The following RIPOR2 variants were observed in gnomAD, a reference collection of about 807,000 sequenced individuals.
RIPOR2 encodes the protein RHO family interacting cell polarization regulator 2.
A neutral mutation model predicts 114.5 loss-of-function variants in RIPOR2; 39 were observed. The ratio of observed to expected loss-of-function variants is 0.34; its 90% CI spans 0.26 to 0.44. RIPOR2 has a LOEUF of 0.44. Ranked by LOEUF, RIPOR2 falls within the 20% of genes least tolerant of loss-of-function variation. RIPOR2 has a pLI of 1.00. For synonymous variants in RIPOR2, 445 were observed against 484.4 expected (o/e 0.92, Z 1.07); for missense variants, 1,007 against 1,255.1 (o/e 0.80, Z 2.99).
rs752660422 is a variant in RIPOR2, at chr6:24,860,991, A to T, written c.697T>A (p.Phe233Ile). 1.9e-5 allele frequency: 30 copies of T among 1,607,994 alleles called. No individual in the cohort carries two copies. The highest frequency in any genetic ancestry group is 1.7e-5 in the Admixed American group (1 of 59,604). ...ATAATACCTTTCATCTTGATGGAGA[A>T]TTCTCCCAGCAGATTCTCTAGCTCC... Reference protein sequence around the residue: ...EVELENLLGEFSIKMKGLAGF... With the variant: ...EVELENLLGEISIKMKGLAGF... The change falls in exon 8 of 22, where the codon TTC (phenylalanine) becomes ATC (isoleucine). Residue 233 changes from phenylalanine to isoleucine, a missense_variant. Coordinates refer to ENST00000643898, the MANE Select transcript of RIPOR2 (RefSeq NM_001286445.3).
rs546219048 is a variant in RIPOR2, at chr6:24,897,948, C to T, written c.62-22131G>A. Reference sequence around the variant, plus strand: ...CTGAGGCAGGAGAATTGCTTGAACCCGGGAGGCGGAGGTTGCAGAGAGCAG... The same window carrying T: ...CTGAGGCAGGAGAATTGCTTGAACCTGGGAGGCGGAGGTTGCAGAGAGCAG... On this transcript the variant is annotated intron_variant, in intron 1 of 21. Coordinates refer to ENST00000643898, the MANE Select transcript of RIPOR2 (RefSeq NM_001286445.3). Among the ~76,000 whole-genome samples, 4 of 151,742 alleles carry T rather than the reference C, an allele frequency of 2.6e-5. No homozygotes were observed. The South Asian group carries it at 6.3e-4, about 24-fold the overall frequency.
chr6:25,024,173 C>T, intron 1 of RIPOR2: 1 of 1,317,150 alleles, frequency 7.6e-7, no homozygotes, highest in Non-Finnish European at 1.1e-6. Flanking sequence ...GGGCGATTTC[C>T]ACTTGTTTGC....
At chr6:24,897,171 T>A (rs1481447279) in intron 1 of RIPOR2, among the ~76,000 whole-genome samples, 1 of 152,174 alleles carries the variant, frequency 6.6e-6, no homozygotes, top group African/African-American at 2.4e-5. Context: ...TCTAATCAAA[T>A]GGGATGAGCA....
intron 1 of RIPOR2, among the ~76,000 whole-genome samples, chr6:25,029,969 G>C (rs1412727839): frequency 6.6e-6 from 1 of 151,996 alleles, no homozygotes; most frequent in African/African-American, 2.4e-5. Context: ...AGAAAATGGA[G>C]TGGGAGAACT....
At chr6:24,900,722 C>G (rs1561750089) in intron 1 of RIPOR2, among the ~76,000 whole-genome samples, 1 of 152,208 alleles carries the variant, frequency 6.6e-6, no homozygotes. Context: ...CTGGCCGCCG[C>G]ACTCCAGTCT....
intron 1 of RIPOR2, chr6:24,929,262 A>G (rs953078704): frequency 7.9e-5 from 12 of 151,824 alleles, no homozygotes; most frequent in Non-Finnish European, 1.8e-4. Flanking sequence ...AGCACAAAGT[A>G]AAGATGGTTT....
At chr6:24,916,322 A>G (rs889553202) in intron 1 of RIPOR2, among the ~76,000 whole-genome samples, 8 of 152,180 alleles carry the variant, frequency 5.3e-5, no homozygotes, top group African/African-American at 1.9e-4. Flanking sequence ...TCCTCTTGTA[A>G]GTCATCTGTC....
rs570921862 is a variant in RIPOR2 at position 24,991,712 on chromosome 6, G to T, written c.76+50139C>A. On this transcript the variant is annotated intron_variant, in intron 1 of 13. Coordinates refer to the RIPOR2 transcript ENST00000510784. ...GGTGGCCACCAAAACTGGCTAAGTG[G>T]CCTCTGTATCTCCCAGACCCATATC... Among the ~76,000 whole-genome samples, 4 of 152,258 alleles carry T rather than the reference G, an allele frequency of 2.6e-5. No individual in the cohort carries two copies. The South Asian group carries it at 6.2e-4, about 24-fold the overall frequency.
chr6:24,871,567 G>A (rs1406775025), intron 4 of RIPOR2, among the ~76,000 whole-genome samples: 1 of 152,116 alleles, frequency 6.6e-6, no homozygotes, highest in African/African-American at 2.4e-5. Context: ...GGCCAAGCTG[G>A]TCTTGAACTC....
At chr6:24,884,850 G>A (rs1766677416) in intron 1 of RIPOR2, among the ~76,000 whole-genome samples, 1 of 151,998 alleles carries the variant, frequency 6.6e-6, no homozygotes, top group African/African-American at 2.4e-5. Context: ...CAGAGAAAAC[G>A]ACGAAGTGCT....
chr6:24,831,828 C>T (rs1194000989), intron 16 of RIPOR2, among the ~76,000 whole-genome samples: 4 of 152,152 alleles, frequency 2.6e-5, no homozygotes, highest in Admixed American at 1.3e-4. Context: ...CTCCTGGAGG[C>T]GTTTGCATCC....
At position 24,840,285 on chromosome 6, in the gene RIPOR2, A is replaced by T. The variant is rs201982057; in HGVS notation, c.1858-1013T>A. 2.9e-6 allele frequency: 3 copies of T among 1,038,880 alleles called. No individual in the cohort carries two copies. In the East Asian group the frequency reaches 2.9e-4, roughly 99 times the overall value. The allele number at this position is 1,038,880 out of a possible 1,614,324, so 64.4% of individuals were successfully genotyped here. ...CCTCTGAGGACTGAGGAAAGAATGA[A>T]TGCCTTGGGCATGACAAGAAGCAGC... On this transcript the variant is annotated intron_variant, in intron 13 of 21. Coordinates refer to ENST00000643898, the MANE Select transcript of RIPOR2 (RefSeq NM_001286445.3).
chr6:24,945,449 A>G (rs540990364), intron 1 of RIPOR2, among the ~76,000 whole-genome samples: 31 of 152,332 alleles, frequency 2.0e-4, no homozygotes, highest in Non-Finnish European at 3.8e-4. Context: ...AAGTAACTTC[A>G]TAAGTAAACA....
rs144210626 is a variant in RIPOR2, at chr6:24,956,508, TATC to T, written c.77-80694_77-80692del. Among the ~76,000 whole-genome samples, 327 of 152,372 alleles carry T rather than the reference TATC, an allele frequency of 2.1e-3. 4 individuals carry two copies. The East Asian group carries it at 0.023, about 11-fold the overall frequency. The stretch of plus-strand genomic sequence containing the variant: ...TTTAATAAAAATAAGTTCAGTCAGA[TATC>T]ATTCTATATCATTTGTGATATGCAA... On this transcript the variant is annotated intron_variant, in intron 1 of 13. Transcript: ENST00000510784.
chr6:24,967,758 T>A (rs137981280), intron 1 of RIPOR2, among the ~76,000 whole-genome samples: 170 of 152,282 alleles, frequency 1.1e-3, no homozygotes, highest in African/African-American at 4.0e-3. Context: ...AGATAGGCAT[T>A]CTCATTATTT....
chr6:25,019,392 C>A (rs1776181946), intron 1 of RIPOR2, among the ~76,000 whole-genome samples: 1 of 152,102 alleles, frequency 6.6e-6, no homozygotes, highest in South Asian at 2.1e-4. Flanking sequence ...ACTCTAGGAT[C>A]AAACATAAAG....
chr6:24,846,743 G>T (rs960064130), intron 12 of RIPOR2, among the ~76,000 whole-genome samples: 14 of 152,100 alleles, frequency 9.2e-5, no homozygotes, highest in African/African-American at 2.9e-4. Context: ...CCATGTATGT[G>T]TGTGTGCATG....
rs1238435443 is a variant in RIPOR2 at position 24,835,713 on chromosome 6, T to C, written c.2198A>G (p.Gln733Arg). ...TIVRHLQYCT[Q>R]LVQQIVFSSK... ...CATCGCTGATCCTACCTGCACGAGT[T>C]GGGTGCAGTACTGGAGGTGCCTGAC... Residue 733 changes from glutamine to arginine, a missense_variant, in exon 15 of 22, where the codon CAA (glutamine) becomes CGA (arginine). By Grantham distance (43) the Gln-to-Arg change is conservative. Transcript: ENST00000643898. The C allele has an allele frequency of 6.4e-7, 1 of 1,551,608 alleles. No homozygotes were observed.
intron 1 of RIPOR2, among the ~76,000 whole-genome samples, chr6:25,020,460 G>A (rs1402173589): frequency 6.6e-6 from 1 of 152,192 alleles, no homozygotes; most frequent in Non-Finnish European, 1.5e-5. Flanking sequence ...TATCCAATAA[G>A]TCAATGTGAT....
Sources: allele counts gnomAD v4.1 joint callset (sites outside exome capture counted in the v4.1 genomes callset), GRCh38; gene constraint gnomAD v4.1.1; transcripts MANE v1.5; gene names NCBI Gene and HGNC (gene_info 2026-07-23, HGNC 2026-07-21).